Variants in NPEPL1 observed in about 807,000 individuals in gnomAD.
The protein encoded by NPEPL1 is probable aminopeptidase NPEPL1.
NPEPL1 carries 45 observed loss-of-function variants against 52.4 expected under a neutral mutation model. The ratio of observed to expected loss-of-function variants is 0.86; its 90% CI spans 0.68 to 1.10. The LOEUF is 1.10. Ranked by LOEUF, NPEPL1 falls within the 50% of genes least tolerant of loss-of-function variation. The probability of loss-of-function intolerance (pLI) is 0.00; values close to 1 mark genes in which losing one functional copy is unlikely to be tolerated. For missense variants in NPEPL1, 696 were observed against 710.9 expected (o/e 0.98, Z 0.24); for synonymous variants, 360 against 314.7 (o/e 1.14, Z -1.52).
chr20:58,691,688 C>CTTTTCT, upstream of NPEPL1: 1 of 696,548 alleles, frequency 1.4e-6, no homozygotes, highest in Non-Finnish European at 2.1e-6. Flanking sequence ...TTCTTTTTTT[C>CTTTTCT]TTTTCTTTTT....
At chr20:58,703,228 G>A (rs1461076431) in intron 6 of NPEPL1, among the ~76,000 whole-genome samples, 1 of 152,314 alleles carries the variant, frequency 6.6e-6, no homozygotes, top group East Asian at 1.9e-4. Context: ...AAGTAACAAC[G>A]ATATGCGAAT....
intron 6 of NPEPL1, among the ~76,000 whole-genome samples, chr20:58,702,171 T>C (rs2084640651): frequency 6.6e-6 from 1 of 152,250 alleles, no homozygotes; most frequent in Non-Finnish European, 1.5e-5. Flanking sequence ...CTACCAATAT[T>C]TGAAACCAGG....
At chr20:58,703,035 G>GTGTT (rs1341593860) in intron 6 of NPEPL1, among the ~76,000 whole-genome samples, 1 of 152,214 alleles carries the variant, frequency 6.6e-6, no homozygotes, top group Non-Finnish European at 1.5e-5. Context: ...CCGCACTCTC[G>GTGTT]TGTTTTATTT....
chr20:58,703,879 C>T (rs929443607), intron 6 of NPEPL1: 12 of 985,050 alleles, frequency 1.2e-5, no homozygotes, highest in African/African-American at 8.8e-5. Context: ...TCTGAAAATG[C>T]GACTATAGCC....
intron 3 of NPEPL1, 112 bp from the exon 4 acceptor site, chr20:58,698,572 C>A: frequency 1.2e-6 from 1 of 860,130 alleles, no homozygotes; most frequent in Non-Finnish European, 1.9e-6. Context: ...GCTGCCCTGT[C>A]AGTAGCCCTG....
In NPEPL1 at chr20:58,693,752, C is replaced by G. The variant is rs1254173286; in HGVS notation, c.166C>G (p.Leu56Val). ...TCTGATCTAGCTCTGGCAGGCTGCC[C>G]TGAGCACGCTCAACCCCAACCCCAC... ...RVTEELWQAA[L>V]STLNPNPTDS... The change falls in exon 2 of 12, where the codon CTG becomes GTG. Residue 56 changes from leucine to valine, a missense_variant. Coordinates refer to ENST00000356091, the MANE Select transcript of NPEPL1 (RefSeq NM_024663.4). The G allele has an allele frequency of 1.2e-6, 2 of 1,608,078 alleles. No homozygotes were observed. The highest frequency in any genetic ancestry group is 8.5e-7 in the Non-Finnish European group (1 of 1,175,514).
At chr20:58,691,093 C>T (rs2084334925), upstream of NPEPL1, 1 of 703,128 alleles carries the variant, frequency 1.4e-6, no homozygotes, top group Non-Finnish European at 2.6e-6. Context: ...AGTCCTATTA[C>T]ATCTGTCAGG....
chr20:58,698,554 CTCTCTTT>C (rs1366464840), intron 3 of NPEPL1, 123 bp from the exon 4 acceptor site: 4 of 775,674 alleles, frequency 5.2e-6, no homozygotes, highest in Non-Finnish European at 6.5e-6. Flanking sequence ...CCCCTCTCCC[CTCTCTTT>C]GCTGCCCTGT....
rs916809208 is a variant in NPEPL1 at position 58,704,180 on chromosome 20, C to T, written c.823-2943C>T. 1.0e-5 allele frequency: 10 copies of T among 985,230 alleles called. No homozygotes were observed. In the Admixed American group the frequency reaches 1.8e-4, roughly 18 times the overall value. The allele number at this position is 985,230 out of a possible 1,614,324, so 61.0% of individuals were successfully genotyped here. A position where few individuals can be genotyped will look rare whatever the true frequency, so the allele number is the denominator to read the frequency against. On this transcript the variant is annotated intron_variant, in intron 6 of 11. Coordinates refer to ENST00000356091, the MANE Select transcript of NPEPL1 (RefSeq NM_024663.4). ...GGCCTGGTGTGAAACGCAGACGCAA[C>T]GCAGCAGGCATTCTCCCCAGTGGCT...
At chr20:58,711,096 T>TCCGCCCCTCCC (rs2084828910) in intron 7 of NPEPL1, 1 of 43,078 alleles carries the variant, frequency 2.3e-5, no homozygotes, top group Admixed American at 2.3e-4. Context: ...CCTCCTCTCC[T>TCCGCCCCTCCC]CCTCCTCCTC....
intron 5 of NPEPL1, among the ~76,000 whole-genome samples, chr20:58,699,900 C>T (rs552228365): frequency 6.6e-6 from 1 of 152,360 alleles, no homozygotes; most frequent in South Asian, 2.1e-4. Context: ...CTGAATGCAG[C>T]AACACTTATC....
At chr20:58,693,206 G>A in intron 1 of NPEPL1, 156 bp downstream of exon 1, 1 of 428,296 alleles carries the variant, frequency 2.3e-6, no homozygotes. Context: ...CGCCAGGCCA[G>A]TCCTCGCCCG....
At chr20:58,697,983 G>A (rs144508670) in intron 3 of NPEPL1, among the ~76,000 whole-genome samples, 298 of 152,348 alleles carry the variant, frequency 2.0e-3, no homozygotes, top group African/African-American at 6.9e-3. Context: ...TCCATGAGGC[G>A]AGACCTCCCT....
rs2084903133 is a variant in NPEPL1 at position 58,713,803 on chromosome 20, C to T, written c.1126-114C>T. 8.9e-6 allele frequency: 11 copies of T among 1,236,062 alleles called. No homozygotes were observed. Among genetic ancestry groups the T allele is most frequent in the Non-Finnish European group, 1.2e-5 (11 of 935,740 alleles). The allele number at this position is 1,236,062 out of a possible 1,614,324, so 76.6% of individuals were successfully genotyped here. A position where few individuals can be genotyped will look rare whatever the true frequency, so the allele number is the denominator to read the frequency against. On this transcript the variant is annotated intron_variant, in intron 9 of 11. Coordinates refer to ENST00000356091, the MANE Select transcript of NPEPL1 (RefSeq NM_024663.4). The surrounding 1 kb of genome is among the most constrained non-coding windows in gnomAD (Gnocchi z 4.6). ...CCTGTGTTTTTTCTTTTTTTCTCAA[C>T]CGTCTCTTTTCTGGCTCCCTTATTT...
In NPEPL1 at chr20:58,693,937, A is replaced by G. The variant is rs2084406804; in HGVS notation, c.336+15A>G. 1 of 1,557,256 alleles carries G rather than the reference A, an allele frequency of 6.4e-7. No individual in the cohort carries two copies. On this transcript the variant is annotated intron_variant, in intron 2 of 11. Transcript: ENST00000356091. ...GCTGCATTGTGGTGAGTGCTTCGAG[A>G]GGAGGCAGCCACGGTGCTCCTAGTC...
At chr20:58,693,238 C>A (rs1162841895) in intron 1 of NPEPL1, 188 bp downstream of exon 1, 1 of 274,674 alleles carries the variant, frequency 3.6e-6, no homozygotes, top group Non-Finnish European at 5.6e-6. Flanking sequence ...CCCCAGGCCC[C>A]GTCGCCGGTG....
At chr20:58,691,181 A>AC (rs1182320956), upstream of NPEPL1, 2 of 702,544 alleles carry the variant, frequency 2.8e-6, no homozygotes, top group Non-Finnish European at 2.6e-6. Flanking sequence ...GCCTGTCTGC[A>AC]ACGTATTTGC....
At chr20:58,691,258 T>G (rs2084337623), upstream of NPEPL1, 1 of 672,118 alleles carries the variant, frequency 1.5e-6, no homozygotes, top group Non-Finnish European at 2.7e-6. Context: ...TGTGAAAACA[T>G]TCAGCTGCTG....
chr20:58,700,142 G>GAGAT (rs1451569329), intron 5 of NPEPL1, among the ~76,000 whole-genome samples: 2 of 152,260 alleles, frequency 1.3e-5, no homozygotes, highest in African/African-American at 4.8e-5. Flanking sequence ...CTCTGAGCGA[G>GAGAT]AGATAGGGAT....
Sources: gnomAD v4.1 joint callset for allele counts (sites outside exome capture counted in the v4.1 genomes callset) on GRCh38, gnomAD v4.1.1 for gene constraint, Gnocchi (gnomAD v3.1) non-coding constraint, MANE v1.5 for transcripts, NCBI Gene and HGNC (gene_info 2026-07-23, HGNC 2026-07-21) for gene names.